Variants in LDLRAD4 observed in about 807,000 individuals in gnomAD.
LDLRAD4 encodes low-density lipoprotein receptor class A domain-containing protein 4.
Under a neutral mutation model 17.0 loss-of-function variants are expected in LDLRAD4, and 5 were observed. The observed-to-expected ratio is 0.29, with a 90% CI of 0.15 to 0.62. The LOEUF (loss-of-function observed/expected upper bound fraction) is 0.62, where lower values mean the gene tolerates loss of function less well. LDLRAD4 is among the 20% of genes least tolerant of loss of function. The pLI is 0.84. For missense variants in LDLRAD4, 340 were observed against 424.7 expected (o/e 0.80, Z 1.75); for synonymous variants, 168 against 171.8 (o/e 0.98, Z 0.17).
Position 13,649,883 on chromosome 18 carries a change from C to T in LDLRAD4, c.*4226C>T, listed in dbSNP as rs142959386. 1.2e-3 allele frequency: 465 copies of T among 396,476 alleles called. 2 individuals carry two copies. Among genetic ancestry groups the T allele is most frequent in the African/African-American group, 8.9e-3 (436 of 48,730 alleles). The allele number at this position is 396,476 out of a possible 1,614,324, so 24.6% of individuals were successfully genotyped here. A position where few individuals can be genotyped will look rare whatever the true frequency, so the allele number is the denominator to read the frequency against. On this transcript the variant is annotated 3_prime_UTR_variant, in exon 6 of 6. Transcript: ENST00000359446. ...CCTGCCCTTTGCTCTCCTGCTCACA[C>T]TGACCAAGAATGCCGCGTGCTTGGC... is the stretch of plus-strand genomic sequence containing the variant.
At chr18:13,638,301 T>A (rs2042247865) in intron 4 of LDLRAD4, among the ~76,000 whole-genome samples, 1 of 152,138 alleles carries the variant, frequency 6.6e-6, no homozygotes, top group South Asian at 2.1e-4. Flanking sequence ...GTTTTAAATT[T>A]AAAAATGAAA....
At chr18:13,371,650 A>G (rs533956090) in intron 1 of LDLRAD4, among the ~76,000 whole-genome samples, 39 of 152,222 alleles carry the variant, frequency 2.6e-4, no homozygotes, top group Admixed American at 5.2e-4. Context: ...CTGTAATCCC[A>G]GTGACTTGGG....
intron 1 of LDLRAD4, among the ~76,000 whole-genome samples, chr18:13,301,568 C>T (rs1231976845): frequency 6.6e-6 from 1 of 152,198 alleles, no homozygotes; most frequent in African/African-American, 2.4e-5. Context: ...TGAACTTGCA[C>T]GTGCAGAGAC....
intron 4 of LDLRAD4, chr18:13,642,593 G>A: frequency 8.1e-7 from 1 of 1,229,324 alleles, no homozygotes; most frequent in East Asian, 3.2e-5. Context: ...GCTCGGAAAG[G>A]GCCGTCCACC....
intron 2 of LDLRAD4, among the ~76,000 whole-genome samples, chr18:13,392,377 T>G (rs958604927): frequency 2.0e-5 from 3 of 152,254 alleles, no homozygotes; most frequent in African/African-American, 7.2e-5. Context: ...ACTTACTGTT[T>G]TTGTGCTTCC....
chr18:13,599,749 C>A (rs879399199), intron 3 of LDLRAD4, among the ~76,000 whole-genome samples: 15 of 152,202 alleles, frequency 9.9e-5, no homozygotes, highest in Non-Finnish European at 2.2e-4. Flanking sequence ...TCTTGGCCTC[C>A]CATAGTGCTG....
chr18:13,349,884 T>A (rs964581821), intron 1 of LDLRAD4, among the ~76,000 whole-genome samples: 5 of 151,766 alleles, frequency 3.3e-5, no homozygotes, highest in African/African-American at 1.2e-4. Context: ...ACATGTGGTG[T>A]TTGGTTTTCT....
intron 3 of LDLRAD4, among the ~76,000 whole-genome samples, chr18:13,514,220 ACTCT>A (rs753272489): frequency 7.2e-5 from 11 of 152,130 alleles, no homozygotes; most frequent in African/African-American, 1.4e-4. Flanking sequence ...TTGTATCCTG[ACTCT>A]CTCTGTGAAC....
intron 3 of LDLRAD4, among the ~76,000 whole-genome samples, chr18:13,449,571 C>A (rs1421462765): frequency 6.6e-6 from 1 of 152,230 alleles, no homozygotes; most frequent in African/African-American, 2.4e-5. Context: ...GAGAAAGGCC[C>A]CTGTCTTCCT....
intron 1 of LDLRAD4, among the ~76,000 whole-genome samples, chr18:13,380,899 A>G (rs1307057058): frequency 1.3e-5 from 2 of 152,106 alleles, no homozygotes; most frequent in Non-Finnish European, 2.9e-5. Context: ...CAAAAGCTAC[A>G]TGTTATTTTG....
intron 3 of LDLRAD4, among the ~76,000 whole-genome samples, chr18:13,617,390 T>C (rs745820441): frequency 7.2e-5 from 11 of 152,070 alleles, no homozygotes; most frequent in Non-Finnish European, 1.3e-4. Flanking sequence ...AAAAGAGGAA[T>C]AAAATCCAGA....
intron 2 of LDLRAD4, among the ~76,000 whole-genome samples, chr18:13,425,672 T>G (rs1161640012): frequency 6.6e-6 from 1 of 152,200 alleles, no homozygotes; most frequent in Non-Finnish European, 1.5e-5. Flanking sequence ...GCAGGAGCGT[T>G]CAGGCTGGAG....
chr18:13,425,347 ATTTAC>A (rs201661654), intron 2 of LDLRAD4, among the ~76,000 whole-genome samples: 2,570 of 152,330 alleles, frequency 0.017, 66 homozygotes, highest in African/African-American at 0.058. Flanking sequence ...ATTTTTATGA[ATTTAC>A]TTTCAGTGTG....
At chr18:13,511,350 A>G (rs1416308889) in intron 3 of LDLRAD4, among the ~76,000 whole-genome samples, 1 of 152,070 alleles carries the variant, frequency 6.6e-6, no homozygotes, top group African/African-American at 2.4e-5. Context: ...CATCTCTACT[A>G]AAAATACAAA....
At chr18:13,414,529 G>A (rs1019790920) in intron 2 of LDLRAD4, among the ~76,000 whole-genome samples, 3 of 152,212 alleles carry the variant, frequency 2.0e-5, no homozygotes, top group African/African-American at 7.2e-5. Context: ...CTAATTACAC[G>A]ATTAACTGGA....
intron 2 of LDLRAD4, among the ~76,000 whole-genome samples, chr18:13,401,254 G>T (rs2087162746): frequency 1.3e-5 from 2 of 151,882 alleles, no homozygotes; most frequent in Admixed American, 6.6e-5. Flanking sequence ...GGCAGTCACT[G>T]TAATTTCATT....
At chr18:13,649,160 T>C (rs2043136938) in exon 6 of LDLRAD4, 1 of 152,132 alleles carries the variant, frequency 6.6e-6, no homozygotes, top group African/African-American at 2.4e-5. Flanking sequence ...AGGCAGGAAA[T>C]AGGGGCCAAC....
At chr18:13,380,725 T>G (rs922523544) in intron 1 of LDLRAD4, among the ~76,000 whole-genome samples, 2 of 152,226 alleles carry the variant, frequency 1.3e-5, no homozygotes, top group Non-Finnish European at 2.9e-5. Context: ...TTTTCCTGTT[T>G]GCAGCCTGTG....
At chr18:13,434,089 C>T (rs2090508713) in intron 2 of LDLRAD4, among the ~76,000 whole-genome samples, 1 of 152,122 alleles carries the variant, frequency 6.6e-6, no homozygotes, top group Non-Finnish European at 1.5e-5. Context: ...GATTTGATGA[C>T]TCTGGGATAA....
Sources: allele counts gnomAD v4.1 joint callset (sites outside exome capture counted in the v4.1 genomes callset), GRCh38; gene constraint gnomAD v4.1.1; transcripts MANE v1.5; gene names NCBI Gene and HGNC (gene_info 2026-07-23, HGNC 2026-07-21).